Variants in GRID1 observed in about 807,000 individuals in gnomAD.
GRID1 encodes the protein glutamate receptor ionotropic, delta-1.
In GRID1, 28 loss-of-function variants were observed where a neutral mutation model predicts 98.0. The ratio of observed to expected loss-of-function variants is 0.29; its 90% CI spans 0.21 to 0.39. The LOEUF is 0.39. Ranked by LOEUF, GRID1 falls within the 10% of genes least tolerant of loss-of-function variation. The pLI is 1.00. For missense variants in GRID1, 1,111 were observed against 1,340.5 expected, an observed-to-expected ratio of 0.83 and a Z score of 2.67; for synonymous variants, 553 against 538.5, an observed-to-expected ratio of 1.03 and a Z score of -0.37.
rs144126010 is a variant in GRID1 at position 85,818,823 on chromosome 10, G to C, written c.1233+35673C>G. On this transcript the variant is annotated intron_variant, in intron 8 of 15. Coordinates refer to ENST00000327946, the MANE Select transcript of GRID1 (RefSeq NM_017551.3). ...ACCTCTGCCTCCCCTGTTCAAGCGA[G>C]TCTCGTGCCTCAGCCTCCTGAGTAG... Among the ~76,000 whole-genome samples the C allele has an allele frequency of 2.6e-3, 392 of 152,100 alleles. 2 individuals are homozygous for C. The highest frequency in any genetic ancestry group is 9.1e-3 in the African/African-American group (379 of 41,488).
intron 12 of GRID1, among the ~76,000 whole-genome samples, chr10:85,718,555 G>T (rs1291161232): frequency 6.6e-6 from 1 of 152,226 alleles, no homozygotes; most frequent in Non-Finnish European, 1.5e-5. Context: ...GCACCTGCAG[G>T]CTCAACACCA....
intron 3 of GRID1, among the ~76,000 whole-genome samples, chr10:86,152,821 C>T (rs936391546): frequency 6.6e-6 from 1 of 152,216 alleles, no homozygotes; most frequent in Non-Finnish European, 1.5e-5. Context: ...GCGGCTGCCA[C>T]CCCTCACCCG....
intron 4 of GRID1, among the ~76,000 whole-genome samples, chr10:86,076,835 G>A (rs1843889276): frequency 6.8e-6 from 1 of 146,672 alleles, no homozygotes; most frequent in South Asian, 2.2e-4. Context: ...GGCCTTCCTT[G>A]GCTTGTGGCA....
intron 4 of GRID1, among the ~76,000 whole-genome samples, chr10:85,997,995 G>T (rs963066801): frequency 1.3e-5 from 2 of 152,196 alleles, no homozygotes; most frequent in South Asian, 4.1e-4. Context: ...AATGATAAAG[G>T]TTATGTGAAG....
At chr10:86,317,726 T>C (rs1847918514) in intron 2 of GRID1, among the ~76,000 whole-genome samples, 1 of 152,054 alleles carries the variant, frequency 6.6e-6, no homozygotes, top group Non-Finnish European at 1.5e-5. Context: ...CCAAACTGTG[T>C]CATTTTTTAA....
chr10:85,621,371 T>C lies in GRID1; in HGVS notation c.2194-1338A>G, dbSNP rs1367310714. Among the ~76,000 whole-genome samples the C allele has an allele frequency of 1.3e-5, 2 of 152,172 alleles. 1 individual carries two copies. Reference sequence around the variant, plus strand: ...TGTTGAGGACATTGTCCCTGGCTCCTGCCTTTGTTCAGTTGAGTCTTCATG... The same window carrying C: ...TGTTGAGGACATTGTCCCTGGCTCCCGCCTTTGTTCAGTTGAGTCTTCATG... On this transcript the variant is annotated intron_variant, in intron 13 of 15. Coordinates refer to ENST00000327946, the MANE Select transcript of GRID1 (RefSeq NM_017551.3).
At position 86,366,147 on chromosome 10, in the gene GRID1, G is replaced by A. The variant is rs1298034905; in HGVS notation, c.79+167C>T. ...GCGGCAAGCAGCCAGCGGGAGCGCG[G>A]CGCGGCCGGTGCACAGCTCCTCCGC... On this transcript the variant is annotated intron_variant, in intron 1 of 15. Coordinates refer to ENST00000327946, the MANE Select transcript of GRID1 (RefSeq NM_017551.3). This position sits in a 1 kb window ranked among gnomAD's most constrained non-coding sequence, Gnocchi z 4.1. Among the ~76,000 whole-genome samples the A allele has an allele frequency of 6.6e-6, 1 of 151,692 alleles. No homozygotes were observed. Among genetic ancestry groups the A allele is most frequent in the Non-Finnish European group, 1.5e-5 (1 of 67,876 alleles).
intron 4 of GRID1, among the ~76,000 whole-genome samples, chr10:86,053,978 G>T (rs1843539556): frequency 6.6e-6 from 1 of 152,132 alleles, no homozygotes; most frequent in South Asian, 2.1e-4. Context: ...TTGTAAATAG[G>T]CCTTCTGCCT....
intron 2 of GRID1, among the ~76,000 whole-genome samples, chr10:86,238,731 G>A (rs1449122826): frequency 6.6e-6 from 1 of 151,926 alleles, no homozygotes; most frequent in Non-Finnish European, 1.5e-5. Flanking sequence ...TTCAGAGGGT[G>A]CAAGCCATAA....
intron 5 of GRID1, 32 bp from the exon 6 acceptor site, chr10:85,869,212 C>G: frequency 6.3e-7 from 1 of 1,593,140 alleles, no homozygotes; most frequent in Non-Finnish European, 8.6e-7. Context: ...TGCTTACCAT[C>G]CACTCATGAA....
intron 4 of GRID1, among the ~76,000 whole-genome samples, chr10:85,932,079 T>C (rs540980980): frequency 1.3e-5 from 2 of 152,302 alleles, no homozygotes; most frequent in Non-Finnish European, 2.9e-5. Context: ...AACCTGGGCT[T>C]TCTGGAGTTT....
chr10:85,918,167 G>C (rs1038600871), intron 4 of GRID1, among the ~76,000 whole-genome samples: 14 of 152,124 alleles, frequency 9.2e-5, no homozygotes, highest in African/African-American at 3.4e-4. Context: ...CAAATCTGGA[G>C]GATGTCATAA....
At chr10:86,072,018 T>A (rs914377988) in intron 4 of GRID1, among the ~76,000 whole-genome samples, 5 of 151,936 alleles carry the variant, frequency 3.3e-5, no homozygotes, top group Non-Finnish European at 7.4e-5. Flanking sequence ...AAACTGTGAG[T>A]CATTTGCTGT....
intron 3 of GRID1, among the ~76,000 whole-genome samples, chr10:86,139,334 G>A (rs1456325530): frequency 5.3e-5 from 8 of 152,170 alleles, no homozygotes; most frequent in Admixed American, 2.6e-4. Context: ...GCCCAATCAC[G>A]GCAATTCTGG....
chr10:85,864,385 T>A (rs1184236801), intron 6 of GRID1, among the ~76,000 whole-genome samples: 1 of 152,158 alleles, frequency 6.6e-6, no homozygotes, highest in Admixed American at 6.5e-5. Flanking sequence ...GGCGACGGTG[T>A]GAAAGTGAAG....
At chr10:85,944,564 GT>G (rs2131840177) in intron 4 of GRID1, among the ~76,000 whole-genome samples, 1 of 152,254 alleles carries the variant, frequency 6.6e-6, no homozygotes, top group African/African-American at 2.4e-5. Flanking sequence ...TCTTACAGCA[GT>G]AAAAAATGTA....
At chr10:85,619,108 A>G (rs1327280272) in intron 14 of GRID1, among the ~76,000 whole-genome samples, 3 of 152,178 alleles carry the variant, frequency 2.0e-5, no homozygotes, top group Non-Finnish European at 4.4e-5. Flanking sequence ...TTCACCCAGC[A>G]AAATGCCCTT....
chr10:86,188,060 G>A (rs1196428841), intron 3 of GRID1, among the ~76,000 whole-genome samples: 5 of 152,056 alleles, frequency 3.3e-5, no homozygotes, highest in South Asian at 2.1e-4. Flanking sequence ...CCCTTATAGC[G>A]CAGATCCTCA....
chr10:85,965,765 C>A (rs1475315099), intron 4 of GRID1, among the ~76,000 whole-genome samples: 1 of 151,072 alleles, frequency 6.6e-6, no homozygotes, highest in Non-Finnish European at 1.5e-5. Context: ...TGCACATGTA[C>A]CCCAGAACTT....
Sources: allele counts gnomAD v4.1 joint callset (sites outside exome capture counted in the v4.1 genomes callset), GRCh38; gene constraint gnomAD v4.1.1; non-coding constraint Gnocchi (gnomAD v3.1); transcripts MANE v1.5; gene names NCBI Gene and HGNC (gene_info 2026-07-23, HGNC 2026-07-21).